ITGAV: variants seen among roughly 807,000 people sequenced by gnomAD.
The protein encoded by ITGAV is integrin alpha-V.
ITGAV carries 76 observed loss-of-function variants against 143.8 expected under a neutral mutation model. That is an observed-to-expected ratio of 0.53 (90% CI 0.44 to 0.64). ITGAV has a LOEUF of 0.64. Among genes scored for constraint, ITGAV ranks in the 30% least tolerant of loss-of-function variants. The pLI is 0.00. For missense variants in ITGAV, 1,193 were observed against 1,274.7 expected (o/e 0.94, Z 0.98); for synonymous variants, 453 against 446.7 (o/e 1.01, Z -0.18).
intron 26 of ITGAV, among the ~76,000 whole-genome samples, chr2:186,673,463 G>C (rs1039089757): frequency 2.6e-5 from 4 of 151,952 alleles, no homozygotes; most frequent in African/African-American, 9.7e-5. Flanking sequence ...TTGGAATTTT[G>C]GTAGCAATTT....
At chr2:186,661,951 A>T (rs918844054) in intron 18 of ITGAV, among the ~76,000 whole-genome samples, 1 of 152,042 alleles carries the variant, frequency 6.6e-6, no homozygotes, top group Non-Finnish European at 1.5e-5. Flanking sequence ...AACTGTAGAG[A>T]CTTGGTTTTC....
In ITGAV at chr2:186,636,069, C is replaced by A; in HGVS notation, c.632-13C>A. 1 of 1,607,780 alleles carries A rather than the reference C, an allele frequency of 6.2e-7. No individual in the cohort carries two copies. On this transcript the variant is annotated splice_polypyrimidine_tract_variant and intron_variant, in intron 6 of 29. Transcript: ENST00000261023. ...TTGAAGGTTATTTATTTTATATATA[C>A]ACCCTTTTTTAGGTCAGCTTATTTC...
intron 12 of ITGAV, among the ~76,000 whole-genome samples, chr2:186,643,988 G>C (rs1688179709): frequency 6.6e-6 from 1 of 152,146 alleles, no homozygotes; most frequent in South Asian, 2.1e-4. Flanking sequence ...CTGTCACCCA[G>C]GCTGGAGTGC....
chr2:186,597,053 A>C (rs1559036462), intron 1 of ITGAV, among the ~76,000 whole-genome samples: 2 of 152,216 alleles, frequency 1.3e-5, no homozygotes. Context: ...AAACTTAATG[A>C]ACATCCATTT....
intron 20 of ITGAV, 88 bp from the exon 21 acceptor site, chr2:186,665,038 G>A: frequency 1.2e-6 from 1 of 850,066 alleles, no homozygotes. Context: ...AGATTTATTT[G>A]CTTAGGACAA....
intron 4 of ITGAV, among the ~76,000 whole-genome samples, chr2:186,628,798 G>A (rs1269258408): frequency 6.6e-6 from 1 of 151,902 alleles, no homozygotes; most frequent in African/African-American, 2.4e-5. Flanking sequence ...ATTTCTAGTT[G>A]GCTTTTCCTT....
intron 18 of ITGAV, 39 bp downstream of exon 18, chr2:186,659,214 A>T: frequency 2.2e-6 from 3 of 1,344,292 alleles, no homozygotes; most frequent in Non-Finnish European, 2.9e-6. Flanking sequence ...ATATTTTGTT[A>T]TTTTTTTTTA....
At chr2:186,616,390 T>G (rs1687361993) in intron 2 of ITGAV, among the ~76,000 whole-genome samples, 1 of 149,072 alleles carries the variant, frequency 6.7e-6, no homozygotes, top group African/African-American at 2.5e-5. Context: ...GCCATTCTCC[T>G]GCCTCAGCCT....
At chr2:186,668,205 TA>T (rs56870073) in intron 24 of ITGAV, among the ~76,000 whole-genome samples, 1,479 of 21,722 alleles carry the variant, frequency 0.068, 66 homozygotes, top group Non-Finnish European at 0.1. Flanking sequence ...TATATATATA[TA>T]TATATATATA....
intron 3 of ITGAV, among the ~76,000 whole-genome samples, chr2:186,622,849 G>A (rs943466849): frequency 2.0e-5 from 3 of 151,582 alleles, no homozygotes; most frequent in African/African-American, 7.3e-5. Flanking sequence ...TGCAACCTCC[G>A]CCTCCCAGGG....
chr2:186,632,087 C>G (rs981212220), intron 5 of ITGAV, among the ~76,000 whole-genome samples: 1 of 151,824 alleles, frequency 6.6e-6, no homozygotes, highest in African/African-American at 2.4e-5. Flanking sequence ...TTTTTCTAGA[C>G]TAGGTACTGA....
chr2:186,666,891 C>A, intron 22 of ITGAV, 108 bp downstream of exon 22: 2 of 564,874 alleles, frequency 3.5e-6, no homozygotes, highest in Non-Finnish European at 5.8e-6. Context: ...AATTTTATTG[C>A]TTGACTATAG....
chr2:186,670,049 C>A, intron 26 of ITGAV: 1 of 452,472 alleles, frequency 2.2e-6, no homozygotes, highest in Non-Finnish European at 3.9e-6. Flanking sequence ...AACTTTGATT[C>A]TCCTACTCTA....
At chr2:186,635,820 C>T (rs537777162) in intron 6 of ITGAV, among the ~76,000 whole-genome samples, 1 of 152,202 alleles carries the variant, frequency 6.6e-6, no homozygotes, top group South Asian at 2.1e-4. Context: ...TTTAACATTG[C>T]TTTCTAGTGA....
At chr2:186,624,866 C>T (rs2105689160) in intron 3 of ITGAV, among the ~76,000 whole-genome samples, 2 of 151,800 alleles carry the variant, frequency 1.3e-5, no homozygotes, top group Middle Eastern at 6.8e-3. Context: ...TTACTTAGTT[C>T]AAAAGCTAGT....
chr2:186,635,960 C>G, intron 6 of ITGAV, 122 bp from the exon 7 acceptor site: 1 of 716,038 alleles, frequency 1.4e-6, no homozygotes, highest in South Asian at 2.3e-5. Context: ...GAGTTATGTA[C>G]GGCTAATAAT....
Position 186,668,877 on chromosome 2 carries a change from T to C in ITGAV, c.2549T>C (p.Met850Thr). 3 of 1,613,094 alleles carry C rather than the reference T, an allele frequency of 1.9e-6. No homozygotes were observed. Among genetic ancestry groups the C allele is most frequent in the East Asian group, 2.2e-5 (1 of 44,808 alleles). ...YILHYDIDGP[M>T]NCTSDMEINP... ...CTTCATTATGATATTGATGGACCAATGAACTGCACTTCAGATATGGAGATC... is the reference window on the plus strand; with the variant it reads ...CTTCATTATGATATTGATGGACCAACGAACTGCACTTCAGATATGGAGATC... Residue 850 changes from methionine to threonine, a missense_variant, in exon 25 of 30, where the codon ATG (methionine) becomes ACG (threonine). By Grantham distance (81) the Met-to-Thr change is moderately conservative. Coordinates refer to ENST00000261023, the MANE Select transcript of ITGAV (RefSeq NM_002210.5).
intron 4 of ITGAV, among the ~76,000 whole-genome samples, chr2:186,629,062 T>G (rs1323656521): frequency 6.6e-6 from 1 of 152,130 alleles, no homozygotes; most frequent in African/African-American, 2.4e-5. Context: ...GCATAATACC[T>G]GACTCAGAGT....
intron 1 of ITGAV, among the ~76,000 whole-genome samples, chr2:186,595,810 T>A (rs1056395571): frequency 3.9e-5 from 6 of 152,124 alleles, no homozygotes; most frequent in African/African-American, 1.4e-4. Context: ...AGCTTCAGAT[T>A]TACACTGCTA....
Sources: allele counts gnomAD v4.1 joint callset (sites outside exome capture counted in the v4.1 genomes callset), GRCh38; gene constraint gnomAD v4.1.1; transcripts MANE v1.5; gene names NCBI Gene and HGNC (gene_info 2026-07-23, HGNC 2026-07-21).